The following RYR2 variants were observed in gnomAD, a reference collection of about 807,000 sequenced individuals.
RYR2 encodes the protein cardiac muscle ryanodine receptor-calcium release channel.
A neutral mutation model predicts 601.1 loss-of-function variants in RYR2; 227 were observed. The observed-to-expected ratio is 0.38, with a 90% CI of 0.34 to 0.42. RYR2 has a LOEUF of 0.42. Ranked by LOEUF, RYR2 falls within the 10% of genes least tolerant of loss-of-function variation. RYR2 has a pLI of 1.00. For missense variants in RYR2, 4,646 were observed against 6,156.5 expected (o/e 0.75, Z 8.21); for synonymous variants, 2,223 against 2,175.1 (o/e 1.02, Z -0.61).
chr1:237,458,958 A>G (rs1338734444), intron 16 of RYR2, among the ~76,000 whole-genome samples: 1 of 152,212 alleles, frequency 6.6e-6, no homozygotes. Flanking sequence ...TGGAACTTTC[A>G]GACTAAAAGG....
chr1:237,730,354 G>A lies in RYR2; in HGVS notation c.10933G>A (p.Ala3645Thr), dbSNP rs1558304228. ...YFEDKLIEDL[A>T]KPGAEPPEED... ...TGAAGATAAACTGATAGAAGATTTA[G>A]CAGTATGTTTTTAGTGGGGCTCTAA... The change falls in exon 77 of 105, where the codon GCA becomes ACA. Residue 3645 changes from alanine to threonine, a missense_variant and splice_region_variant. Physicochemically the swap from Ala to Thr is moderately conservative, Grantham distance 58. This residue lies in a region of RYR2 where 1,497 missense variants were observed against 1,842.6 expected (regional missense o/e 0.81). Coordinates refer to ENST00000366574, the MANE Select transcript of RYR2 (RefSeq NM_001035.3). 1 of 1,548,554 alleles carries A rather than the reference G, an allele frequency of 6.5e-7. No homozygotes were observed. The highest frequency in any genetic ancestry group is 8.9e-7 in the Non-Finnish European group (1 of 1,120,644).
chr1:237,046,275 G>C (rs1474503755), intron 1 of RYR2, among the ~76,000 whole-genome samples: 1 of 152,188 alleles, frequency 6.6e-6, no homozygotes, highest in Non-Finnish European at 1.5e-5. Flanking sequence ...TCAGTACTCA[G>C]CAGTGCAGAA....
chr1:237,732,207 T>C, intron 78 of RYR2, 58 bp downstream of exon 78: 2 of 994,292 alleles, frequency 2.0e-6, no homozygotes, highest in Non-Finnish European at 3.1e-6. Flanking sequence ...CACCCGTGTC[T>C]GAGTATTCTG....
intron 10 of RYR2, among the ~76,000 whole-genome samples, chr1:237,395,714 T>C (rs1702792148): frequency 1.3e-5 from 2 of 151,826 alleles, no homozygotes; most frequent in Admixed American, 6.6e-5. Context: ...GCCTGGCTAA[T>C]TTTTTGTATT....
chr1:237,786,437 A>G (rs1457893782), intron 91 of RYR2, among the ~76,000 whole-genome samples: 1 of 152,218 alleles, frequency 6.6e-6, no homozygotes, highest in African/African-American at 2.4e-5. Context: ...GCTTTCATAG[A>G]ATCCTGTGGA....
At chr1:237,413,694 T>C (rs1558777024) in intron 10 of RYR2, among the ~76,000 whole-genome samples, 1 of 152,108 alleles carries the variant, frequency 6.6e-6, no homozygotes, top group Non-Finnish European at 1.5e-5. Flanking sequence ...TATGATAGAT[T>C]TTTAGTGATA....
intron 84 of RYR2, among the ~76,000 whole-genome samples, chr1:237,765,984 G>C (rs761320858): frequency 6.6e-6 from 1 of 152,158 alleles, no homozygotes; most frequent in Non-Finnish European, 1.5e-5. Flanking sequence ...TTGCGGGGCT[G>C]GGGGAGACGT....
intron 1 of RYR2, among the ~76,000 whole-genome samples, chr1:237,072,745 G>A (rs1369726783): frequency 2.0e-5 from 3 of 152,018 alleles, no homozygotes; most frequent in East Asian, 3.9e-4. Flanking sequence ...TCAGGAGTTC[G>A]AGACCAGCTT....
chr1:237,676,856 A>G (rs1685446051), intron 60 of RYR2, among the ~76,000 whole-genome samples: 1 of 152,140 alleles, frequency 6.6e-6, no homozygotes. Flanking sequence ...AGTAAAAGAC[A>G]TTTCCTATTT....
chr1:237,423,627 A>G (rs898470630), intron 12 of RYR2, among the ~76,000 whole-genome samples: 7 of 152,266 alleles, frequency 4.6e-5, no homozygotes, highest in Non-Finnish European at 7.3e-5. Context: ...AAACACATCC[A>G]TCCAGCTCCT....
intron 34 of RYR2, among the ~76,000 whole-genome samples, chr1:237,601,650 T>A (rs574862471): frequency 6.6e-6 from 1 of 152,206 alleles, no homozygotes; most frequent in Non-Finnish European, 1.5e-5. Flanking sequence ...ATTACCCTGA[T>A]TTGATCATTA....
intron 1 of RYR2, among the ~76,000 whole-genome samples, chr1:237,155,321 G>C (rs1357643176): frequency 6.6e-6 from 1 of 151,424 alleles, no homozygotes; most frequent in Admixed American, 6.6e-5. Flanking sequence ...GACTACAGGC[G>C]CCCACCACCA....
chr1:237,285,296 T>C (rs1447090916), intron 2 of RYR2, among the ~76,000 whole-genome samples: 1 of 152,226 alleles, frequency 6.6e-6, no homozygotes, highest in East Asian at 1.9e-4. Flanking sequence ...CATGTGATTT[T>C]TGTTTTTAAT....
At chr1:237,503,859 C>T (rs1664924481) in intron 22 of RYR2, among the ~76,000 whole-genome samples, 1 of 152,036 alleles carries the variant, frequency 6.6e-6, no homozygotes, top group East Asian at 1.9e-4. Context: ...AGGCGCCCAC[C>T]ACCACACCTG....
intron 10 of RYR2, among the ~76,000 whole-genome samples, chr1:237,391,648 T>A (rs975941700): frequency 2.0e-5 from 3 of 152,316 alleles, no homozygotes; most frequent in Admixed American, 1.3e-4. Context: ...TATACATAAC[T>A]GTAATTGTAG....
chr1:237,137,842 G>T (rs1187400328), intron 1 of RYR2, among the ~76,000 whole-genome samples: 1 of 152,098 alleles, frequency 6.6e-6, no homozygotes, highest in Non-Finnish European at 1.5e-5. Context: ...ACAACATCTA[G>T]AAACAGTTAA....
chr1:237,658,420 C>T (rs1285749195), intron 54 of RYR2, among the ~76,000 whole-genome samples: 1 of 152,066 alleles, frequency 6.6e-6, no homozygotes, highest in Non-Finnish European at 1.5e-5. Flanking sequence ...TTTTTTGAGT[C>T]CTGCTCTGCT....
In RYR2 at chr1:237,784,627, T is replaced by C; in HGVS notation, c.12915T>C (p.Phe4305=). Reference sequence around the variant, plus strand: ...TCGTGGCCAGCGTTTTCAGAGGCTTTTTCCGCATCATTTGCAGCCTGCTGC... The same window carrying C: ...TCGTGGCCAGCGTTTTCAGAGGCTTCTTCCGCATCATTTGCAGCCTGCTGC... The part of the protein sequence containing the change: ...LHFVASVFRG[F]FRIICSLLLG... Residue 4305 remains phenylalanine, a synonymous_variant, in exon 90 of 105, where the codon TTT becomes TTC. Coordinates refer to ENST00000366574, the MANE Select transcript of RYR2 (RefSeq NM_001035.3). The surrounding 1 kb of genome is among the most constrained non-coding windows in gnomAD (Gnocchi z 7.1). 1.9e-6 allele frequency: 3 copies of C among 1,613,812 alleles called. No homozygotes were observed. The highest frequency in any genetic ancestry group is 2.5e-6 in the Non-Finnish European group (3 of 1,179,814).
chr1:237,294,844 G>T (rs1692597337), intron 2 of RYR2, among the ~76,000 whole-genome samples: 1 of 152,132 alleles, frequency 6.6e-6, no homozygotes, highest in African/African-American at 2.4e-5. Flanking sequence ...GGGAGTTATT[G>T]AAATAATATT....
Sources: gnomAD v4.1 joint callset for allele counts (sites outside exome capture counted in the v4.1 genomes callset) on GRCh38, gnomAD v4.1.1 for gene constraint, gnomAD v4.1.1 regional missense constraint, Gnocchi (gnomAD v3.1) non-coding constraint, MANE v1.5 for transcripts, NCBI Gene and HGNC (gene_info 2026-07-23, HGNC 2026-07-21) for gene names.